Variants in ZNF143 observed in about 807,000 individuals in gnomAD.
ZNF143 encodes zinc finger protein 143.
ZNF143 carries 49 observed loss-of-function variants against 74.1 expected under a neutral mutation model. The ratio of observed to expected loss-of-function variants is 0.66; its 90% CI spans 0.53 to 0.84. The LOEUF is 0.84. Ranked by LOEUF, ZNF143 falls within the 40% of genes least tolerant of loss-of-function variation. The probability of loss-of-function intolerance (pLI) is 0.00; values close to 1 mark genes in which losing one functional copy is unlikely to be tolerated. For synonymous variants in ZNF143, 304 were observed against 282.8 expected (o/e 1.07, Z -0.75); for missense variants, 637 against 793.4 (o/e 0.80, Z 2.37).
At chr11:9,482,933 C>T (rs1268477738) in intron 7 of ZNF143, among the ~76,000 whole-genome samples, 1 of 150,934 alleles carries the variant, frequency 6.6e-6, no homozygotes, top group Non-Finnish European at 1.5e-5. Context: ...ATTAATTTCA[C>T]CTGTTTCTTT....
Position 9,527,819 on chromosome 11 carries a change from C to T in ZNF143, c.*206C>T, listed in dbSNP as rs1378607297. Reference sequence around the variant, plus strand: ...GATTCTCAGAGTGATTCATTGTGTACAAGGAAGTATGAAATTAGGGCAATA... The same window carrying T: ...GATTCTCAGAGTGATTCATTGTGTATAAGGAAGTATGAAATTAGGGCAATA... On this transcript the variant is annotated 3_prime_UTR_variant, in exon 16 of 16. Transcript: ENST00000396602. The T allele has an allele frequency of 1.0e-5, 5 of 492,716 alleles. No individual in the cohort carries two copies. The highest frequency in any genetic ancestry group is 1.8e-5 in the Non-Finnish European group (5 of 277,810). The allele number at this position is 492,716 out of a possible 1,614,324, so 30.5% of individuals were successfully genotyped here.
At position 9,478,477 on chromosome 11, in the gene ZNF143, C is replaced by T; in HGVS notation, c.461C>T (p.Ser154Phe). Residue 154 changes from serine (S) to phenylalanine (F), a missense_variant, in exon 6 of 16, where the codon TCT becomes TTT. Physicochemically the swap from Ser to Phe is radical, Grantham distance 155. Coordinates refer to ENST00000396602, the MANE Select transcript of ZNF143 (RefSeq NM_003442.6). ...CACCATGCAGTGCAAGTCCCGCAGT[C>T]TGACACCATCTTGGCAATTCAGGCT... ...YIHHAVQVPQSDTILAIQADG... is the reference protein window; with the variant it reads ...YIHHAVQVPQFDTILAIQADG... The T allele has an allele frequency of 6.2e-7, 1 of 1,614,190 alleles. No homozygotes were observed. Among genetic ancestry groups the T allele is most frequent in the Non-Finnish European group, 8.5e-7 (1 of 1,180,036 alleles).
At position 9,512,573 on chromosome 11, in the gene ZNF143, A is replaced by G. The variant is rs1418710716; in HGVS notation, c.1501A>G (p.Ile501Val). Residue 501 changes from isoleucine to valine, a missense_variant, in exon 13 of 16, where the codon ATA becomes GTA. Physicochemically the swap from Ile to Val is conservative, Grantham distance 29. Coordinates refer to ENST00000396602, the MANE Select transcript of ZNF143 (RefSeq NM_003442.6). ...QSGLSQQVTL[I>V]SQDGTQHVNI... ...TGGACTGAGTCAACAAGTTACACTCATATCCCAGGATGGGACTCAGCATGT... is the reference window on the plus strand; with the variant it reads ...TGGACTGAGTCAACAAGTTACACTCGTATCCCAGGATGGGACTCAGCATGT... The G allele has an allele frequency of 6.2e-7, 1 of 1,614,238 alleles. No homozygotes were observed. The highest frequency in any genetic ancestry group is 2.2e-5 in the East Asian group (1 of 44,888).
At chr11:9,496,674 G>A (rs1295945292) in intron 9 of ZNF143, among the ~76,000 whole-genome samples, 1 of 151,698 alleles carries the variant, frequency 6.6e-6, no homozygotes, top group Non-Finnish European at 1.5e-5. Context: ...TTGGCTCACT[G>A]CAACCTCCGC....
At chr11:9,461,418 G>C (rs1041695998) in intron 1 of ZNF143, among the ~76,000 whole-genome samples, 3 of 152,146 alleles carry the variant, frequency 2.0e-5, no homozygotes, top group Non-Finnish European at 4.4e-5. Context: ...CGGGAGCCTT[G>C]GCCGCGTTTC....
At chr11:9,527,389 G>T in intron 15 of ZNF143, 141 bp from the exon 16 acceptor site, 1 of 691,490 alleles carries the variant, frequency 1.4e-6, no homozygotes, top group East Asian at 2.6e-5. Context: ...CTTAATGTTT[G>T]AGTTAGCAGT....
intron 7 of ZNF143, among the ~76,000 whole-genome samples, chr11:9,486,588 C>T (rs1847561026): frequency 7.1e-6 from 1 of 140,544 alleles, no homozygotes; most frequent in Non-Finnish European, 1.5e-5. Flanking sequence ...CAGTAGAATG[C>T]CATGTAAGAT....
At chr11:9,495,092 C>G (rs1847913826) in intron 8 of ZNF143, among the ~76,000 whole-genome samples, 1 of 152,164 alleles carries the variant, frequency 6.6e-6, no homozygotes, top group Non-Finnish European at 1.5e-5. Flanking sequence ...TGTGTAATCA[C>G]ACATCTCTGT....
At chr11:9,512,679 A>G in intron 13 of ZNF143, 83 bp downstream of exon 13, 2 of 1,560,716 alleles carry the variant, frequency 1.3e-6, no homozygotes, top group South Asian at 1.1e-5. Context: ...CATTGAGGAA[A>G]GCTTTGAAAT....
chr11:9,524,034 C>T (rs1019223579), intron 14 of ZNF143, among the ~76,000 whole-genome samples: 1 of 129,782 alleles, frequency 7.7e-6, no homozygotes, highest in African/African-American at 3.0e-5. Flanking sequence ...GGCGACAGAG[C>T]GAGACTACCT....
chr11:9,471,418 C>T lies in ZNF143; in HGVS notation c.110C>T (p.Ala37Val). Residue 37 changes from alanine to valine, a missense_variant and splice_region_variant, in exon 2 of 16, where the codon GCA (alanine) becomes GTA (valine). This residue lies in a region of ZNF143 where 293 missense variants were observed against 307.8 expected (regional missense o/e 0.95). Coordinates refer to ENST00000396602, the MANE Select transcript of ZNF143 (RefSeq NM_003442.6). ...TGCTTGACAGAGGCAGTCACCGTGGCAGGTGAGCAGTTGTGTTTGAAGGGA... is the reference window on the plus strand; with the variant it reads ...TGCTTGACAGAGGCAGTCACCGTGGTAGGTGAGCAGTTGTGTTTGAAGGGA... The part of the protein sequence containing the change: ...TLCLTEAVTV[A>V]DGDNLENMEG... The T allele has an allele frequency of 1.3e-6, 2 of 1,592,082 alleles. No homozygotes were observed. Among genetic ancestry groups the T allele is most frequent in the East Asian group, 2.3e-5 (1 of 43,990 alleles).
At chr11:9,464,959 G>A (rs1176229794) in intron 1 of ZNF143, among the ~76,000 whole-genome samples, 1 of 151,970 alleles carries the variant, frequency 6.6e-6, no homozygotes, top group African/African-American at 2.4e-5. Flanking sequence ...TGGCCTATAA[G>A]GGTAATTAAT....
chr11:9,507,142 A>G (rs1848393809), intron 11 of ZNF143, among the ~76,000 whole-genome samples: 1 of 152,196 alleles, frequency 6.6e-6, no homozygotes, highest in Non-Finnish European at 1.5e-5. Context: ...GTTACGGTAC[A>G]TTAGTGTGGT....
intron 13 of ZNF143, among the ~76,000 whole-genome samples, chr11:9,513,676 A>G (rs1848629782): frequency 6.6e-6 from 1 of 152,228 alleles, no homozygotes; most frequent in Non-Finnish European, 1.5e-5. Context: ...CGGGTGGATC[A>G]CTTGAGATCA....
At chr11:9,517,468 T>C (rs1208320121) in intron 14 of ZNF143, among the ~76,000 whole-genome samples, 3 of 152,182 alleles carry the variant, frequency 2.0e-5, no homozygotes, top group Non-Finnish European at 4.4e-5. Flanking sequence ...GGTGCAAAGA[T>C]ACATGTATTC....
chr11:9,516,543 T>C (rs1307424510), intron 14 of ZNF143, among the ~76,000 whole-genome samples, 181 bp downstream of exon 14: 1 of 152,186 alleles, frequency 6.6e-6, no homozygotes, highest in African/African-American at 2.4e-5. Flanking sequence ...GGGTGCTAGT[T>C]GCATGTACCC....
At chr11:9,525,183 C>G in intron 14 of ZNF143, 57 bp from the exon 15 acceptor site, 2 of 1,596,912 alleles carry the variant, frequency 1.3e-6, no homozygotes, top group Non-Finnish European at 1.7e-6. Flanking sequence ...GGACTTTAAC[C>G]TATTTAAATC....
intron 11 of ZNF143, among the ~76,000 whole-genome samples, chr11:9,504,015 A>T (rs1442494601): frequency 2.2e-5 from 1 of 46,124 alleles, no homozygotes; most frequent in Non-Finnish European, 4.2e-5. Context: ...GCTGGAGTGC[A>T]GTGGCGCAAT....
chr11:9,503,324 G>A (rs971476620), intron 11 of ZNF143, among the ~76,000 whole-genome samples: 1 of 152,156 alleles, frequency 6.6e-6, no homozygotes, highest in Non-Finnish European at 1.5e-5. Context: ...GAGCATTCAT[G>A]TACAAGTTTT....
Sources: allele counts gnomAD v4.1 joint callset (sites outside exome capture counted in the v4.1 genomes callset), GRCh38; gene constraint gnomAD v4.1.1; regional missense constraint gnomAD v4.1.1; transcripts MANE v1.5; gene names NCBI Gene and HGNC (gene_info 2026-07-23, HGNC 2026-07-21).